Variants in PRKD3 observed in about 807,000 individuals in gnomAD.
PRKD3 encodes the protein protein kinase D3, also known as serine/threonine-protein kinase D3.
PRKD3 carries 47 observed loss-of-function variants against 99.2 expected under a neutral mutation model. The observed-to-expected ratio is 0.47, with a 90% CI of 0.38 to 0.60. PRKD3 has a LOEUF of 0.60. Ranked by LOEUF, PRKD3 falls within the 20% of genes least tolerant of loss-of-function variation. The probability of loss-of-function intolerance (pLI) is 0.00; values close to 1 mark genes in which losing one functional copy is unlikely to be tolerated. For synonymous variants in PRKD3, 392 were observed against 355.4 expected (o/e 1.10, Z -1.16); for missense variants, 1,019 against 1,088.4 (o/e 0.94, Z 0.90).
Position 37,274,691 on chromosome 2 carries a change from G to C in PRKD3, c.1381C>G (p.Pro461Ala). 6.2e-7 allele frequency: 1 copy of C among 1,611,742 alleles called. No homozygotes were observed. The highest frequency in any genetic ancestry group is 1.1e-5 in the South Asian group (1 of 90,868). ...ESGSKYYKEI[P>A]LSEILRISSP... ...GATATGCGGAGAATTTCTGAAAGTG[G>C]AATTTCCTGAAGTAAAAAATTAAGC... The change falls in exon 11 of 19, where the codon CCA becomes GCA. Residue 461 changes from proline (P) to alanine (A), a missense_variant. Physicochemically the swap from Pro to Ala is conservative, Grantham distance 27. This residue lies in a region of PRKD3 where 710 missense variants were observed against 692.7 expected (regional missense o/e 1.02). Coordinates refer to ENST00000234179, the MANE Select transcript of PRKD3 (RefSeq NM_005813.6).
chr2:37,313,817 C>T lies in PRKD3; in HGVS notation c.288+2420G>A, dbSNP rs188162608. On this transcript the variant is annotated intron_variant, in intron 2 of 18. Coordinates refer to ENST00000234179, the MANE Select transcript of PRKD3 (RefSeq NM_005813.6). Reference sequence around the variant, plus strand: ...GCTCCTCAACTTACAATAGGATAAACTCACAGCAGATTGAAAATATCATAT... The same window carrying T: ...GCTCCTCAACTTACAATAGGATAAATTCACAGCAGATTGAAAATATCATAT... Among the ~76,000 whole-genome samples the T allele has an allele frequency of 5.4e-3, 823 of 152,302 alleles. 3 individuals carry two copies. The highest frequency in any genetic ancestry group is 8.6e-3 in the Non-Finnish European group (582 of 68,004).
In PRKD3 at chr2:37,254,186, G is replaced by T; in HGVS notation, c.2499+18C>A. On this transcript the variant is annotated intron_variant, in intron 18 of 18. Transcript: ENST00000234179. ...ACTCAAATGAGGATTGCCAAAGAGAGATTACATTTTTTTTTACCTGTAGCC... is the reference window on the plus strand; with the variant it reads ...ACTCAAATGAGGATTGCCAAAGAGATATTACATTTTTTTTTACCTGTAGCC... The T allele has an allele frequency of 1.3e-6, 2 of 1,572,204 alleles. No homozygotes were observed. The highest frequency in any genetic ancestry group is 1.8e-6 in the Non-Finnish European group (2 of 1,142,216).
At chr2:37,300,635 T>C (rs1031221878) in intron 2 of PRKD3, among the ~76,000 whole-genome samples, 1 of 152,222 alleles carries the variant, frequency 6.6e-6, no homozygotes, top group Non-Finnish European at 1.5e-5. Context: ...ATATCACATG[T>C]ACCTCATAAA....
chr2:37,258,365 TTTG>T (rs1471098097), intron 16 of PRKD3, among the ~76,000 whole-genome samples: 1 of 152,218 alleles, frequency 6.6e-6, no homozygotes, highest in East Asian at 1.9e-4. Flanking sequence ...AAACTCTTTT[TTTG>T]TTGTTAAATG....
At chr2:37,300,478 C>T (rs1266977755) in intron 2 of PRKD3, among the ~76,000 whole-genome samples, 2 of 152,102 alleles carry the variant, frequency 1.3e-5, no homozygotes, top group Non-Finnish European at 2.9e-5. Context: ...AGGTAGACTA[C>T]AGTTAACAAC....
chr2:37,294,259 C>T (rs1386071004), intron 2 of PRKD3, among the ~76,000 whole-genome samples: 6 of 148,762 alleles, frequency 4.0e-5, no homozygotes, highest in African/African-American at 1.5e-4. Context: ...CCACTCCCAG[C>T]TAATTTTTTA....
intron 2 of PRKD3, among the ~76,000 whole-genome samples, chr2:37,293,628 G>A (rs954231033): frequency 6.6e-6 from 1 of 152,158 alleles, no homozygotes; most frequent in African/African-American, 2.4e-5. Flanking sequence ...CTTAGGACAT[G>A]CTGCTCTAAA....
rs575223074 is a variant in PRKD3 at position 37,253,193 on chromosome 2, A to T, written c.2657T>A (p.Met886Lys). The change falls in exon 19 of 19, where the codon ATG (methionine) becomes AAG (lysine). Residue 886 changes from methionine (M) to lysine (K), a missense_variant. By Grantham distance (95) the Met-to-Lys change is moderately conservative. Transcript: ENST00000234179. ...HFIMAPNPDD[M>K]EEDP Reference sequence around the variant, plus strand: ...GCTCAGTGATTAAGGATCTTCTTCCATATCATCTGGATTAGGAGCCATAAT... The same window carrying T: ...GCTCAGTGATTAAGGATCTTCTTCCTTATCATCTGGATTAGGAGCCATAAT... 19 of 1,603,294 alleles carry T rather than the reference A, an allele frequency of 1.2e-5. 1 individual carries two copies. The African/African-American group carries it at 2.1e-4, about 18-fold the overall frequency.
chr2:37,262,571 G>C (rs1451745882), intron 14 of PRKD3, among the ~76,000 whole-genome samples: 1 of 152,162 alleles, frequency 6.6e-6, no homozygotes, highest in Non-Finnish European at 1.5e-5. Context: ...TAGTGGTGGG[G>C]TGTGACAATG....
rs1177271864 is a variant in PRKD3, at chr2:37,272,937, C to T, written c.1652-505G>A. Among the ~76,000 whole-genome samples the T allele has an allele frequency of 7.4e-5, 11 of 149,004 alleles. 1 individual carries two copies. Among genetic ancestry groups the T allele is most frequent in the Non-Finnish European group, 1.6e-4 (11 of 67,492 alleles). On this transcript the variant is annotated intron_variant, in intron 11 of 18. Transcript: ENST00000234179. Reference sequence around the variant, plus strand: ...TGAGGTTGCAGCAAGTTATGATTTGCGCACTGCACTCTCACCTGGGCGACA... The same window carrying T: ...TGAGGTTGCAGCAAGTTATGATTTGTGCACTGCACTCTCACCTGGGCGACA...
At chr2:37,323,580 C>T (rs1490289312) in intron 1 of PRKD3, among the ~76,000 whole-genome samples, 1 of 151,986 alleles carries the variant, frequency 6.6e-6, no homozygotes, top group Non-Finnish European at 1.5e-5. Flanking sequence ...TGGCCTAGAT[C>T]TCAGTCGGGG....
Position 37,279,877 on chromosome 2 carries a change from A to G in PRKD3, c.1041T>C (p.Asn347=). ...CCCGACTACTATCACTATTTATGTC[A>G]TTATTGTCAATATCCATTGGTATAT... The part of the protein sequence containing the change: ...DTDIPMDIDN[N]DINSDSSRGL... Residue 347 remains asparagine, a synonymous_variant, in exon 8 of 19, where the codon AAT becomes AAC. Transcript: ENST00000234179. 6.2e-7 allele frequency: 1 copy of G among 1,613,010 alleles called. No homozygotes were observed. The highest frequency in any genetic ancestry group is 8.5e-7 in the Non-Finnish European group (1 of 1,179,330).
chr2:37,287,230 C>CAAAAAAAAAAA (rs754092348), intron 5 of PRKD3, among the ~76,000 whole-genome samples: 9 of 53,650 alleles, frequency 1.7e-4, no homozygotes, highest in South Asian at 9.4e-4. Flanking sequence ...AACTCCATCT[C>CAAAAAAAAAAA]AAAAAAAAAA....
intron 14 of PRKD3, among the ~76,000 whole-genome samples, chr2:37,261,551 C>T (rs1014019165): frequency 6.6e-6 from 1 of 151,898 alleles, no homozygotes; most frequent in East Asian, 1.9e-4. Context: ...GAGGCCAAGG[C>T]AGGCGGATCA....
chr2:37,268,244 A>G (rs1272611893), intron 13 of PRKD3: 1 of 458,924 alleles, frequency 2.2e-6, no homozygotes, highest in Admixed American at 2.5e-5. Flanking sequence ...CACAATCGTA[A>G]GTCTACTTGA....
rs192806682 is a variant in PRKD3 at position 37,286,469 on chromosome 2, C to A, written c.718-100G>T. 5.0e-4 allele frequency: 486 copies of A among 973,790 alleles called. 1 individual carries two copies. In the African/African-American group the frequency reaches 7.5e-3, roughly 15 times the overall value. 60.3% of individuals were successfully genotyped at this position (973,790 alleles called of 1,614,324 possible). ...GAATCATTTATTTCAAACACTAAAGCCAAAAAACTCTAAAAATGTTGTTCT... is the reference window on the plus strand; with the variant it reads ...GAATCATTTATTTCAAACACTAAAGACAAAAAACTCTAAAAATGTTGTTCT... On this transcript the variant is annotated intron_variant, in intron 5 of 18. Transcript: ENST00000234179.
At chr2:37,309,184 T>TA (rs1261335279) in intron 2 of PRKD3, among the ~76,000 whole-genome samples, 6 of 152,212 alleles carry the variant, frequency 3.9e-5, no homozygotes, top group African/African-American at 1.4e-4. Flanking sequence ...ATTTTATTTA[T>TA]ATTTGGACTT....
In PRKD3 at chr2:37,251,792, C is replaced by T. The variant is rs952546900; in HGVS notation, c.*1385G>A. ...ACTGAGGAACTGCCGACAGACCTGC[C>T]ATCTGTCCAGGCCAACATAACTAAC... On this transcript the variant is annotated 3_prime_UTR_variant, in exon 19 of 19. Transcript: ENST00000234179. 4 of 151,938 alleles carry T rather than the reference C, an allele frequency of 2.6e-5. No individual in the cohort carries two copies. Among genetic ancestry groups the T allele is most frequent in the African/African-American group, 7.3e-5 (3 of 41,342 alleles). 9.4% of individuals were successfully genotyped at this position (151,938 alleles called of 1,614,324 possible).
chr2:37,275,888 C>A, intron 9 of PRKD3, 44 bp from the exon 10 acceptor site: 1 of 1,580,690 alleles, frequency 6.3e-7, no homozygotes, highest in Non-Finnish European at 8.6e-7. Context: ...AAAAATGATT[C>A]CTCCAAAGTG....
Sources: gnomAD v4.1 joint callset for allele counts (sites outside exome capture counted in the v4.1 genomes callset) on GRCh38, gnomAD v4.1.1 for gene constraint, gnomAD v4.1.1 regional missense constraint, MANE v1.5 for transcripts, NCBI Gene and HGNC (gene_info 2026-07-23, HGNC 2026-07-21) for gene names.